Variants in CNTN5 observed in about 807,000 individuals in gnomAD.
The protein encoded by CNTN5 is contactin 5, also known as contactin-5.
Under a neutral mutation model 129.1 loss-of-function variants are expected in CNTN5, and 77 were observed. The ratio of observed to expected loss-of-function variants is 0.60; its 90% confidence interval spans 0.50 to 0.72. CNTN5 has a LOEUF of 0.72. CNTN5 is among the 30% of genes least tolerant of loss of function. The pLI is 0.00. For missense variants in CNTN5, 1,478 were observed against 1,328.8 expected, an observed-to-expected ratio of 1.11 and a Z score of -1.75; for synonymous variants, 509 against 465.6, an observed-to-expected ratio of 1.09 and a Z score of -1.20.
intron 1 of CNTN5, among the ~76,000 whole-genome samples, chr11:99,274,956 A>G (rs1295643924): frequency 1.3e-5 from 2 of 151,558 alleles, no homozygotes; most frequent in Admixed American, 1.3e-4. Context: ...ACACATCAAA[A>G]TAGTATTGAT....
intron 7 of CNTN5, among the ~76,000 whole-genome samples, chr11:99,920,493 T>A (rs188123641): frequency 1.6e-4 from 24 of 152,302 alleles, no homozygotes; most frequent in African/African-American, 5.5e-4. Flanking sequence ...ATCTTAACCA[T>A]GTCTAAATCT....
chr11:100,222,917 C>T (rs1371409423), intron 15 of CNTN5, among the ~76,000 whole-genome samples: 1 of 152,024 alleles, frequency 6.6e-6, no homozygotes, highest in African/African-American at 2.4e-5. Context: ...TATAAAAAAG[C>T]TCATTCATAC....
chr11:99,301,631 A>G (rs551539698), intron 1 of CNTN5, among the ~76,000 whole-genome samples: 65 of 151,980 alleles, frequency 4.3e-4, no homozygotes, highest in African/African-American at 1.5e-3. Context: ...ATAGACAATG[A>G]AAAAATAGCT....
At chr11:99,291,556 T>G (rs1864171280) in intron 1 of CNTN5, among the ~76,000 whole-genome samples, 1 of 151,942 alleles carries the variant, frequency 6.6e-6, no homozygotes, top group Non-Finnish European at 1.5e-5. Context: ...ACAAAAAACA[T>G]GAAAAATATG....
chr11:100,337,386 G>A (rs572345870), intron 21 of CNTN5: 11 of 785,946 alleles, frequency 1.4e-5, no homozygotes, highest in Middle Eastern at 7.3e-4. Context: ...CCTCAGCAGA[G>A]AGAGCACCTA....
chr11:99,337,716 C>G (rs535968819), intron 2 of CNTN5, among the ~76,000 whole-genome samples: 3 of 152,136 alleles, frequency 2.0e-5, no homozygotes, highest in Non-Finnish European at 2.9e-5. Flanking sequence ...TTTTGGGGGG[C>G]TTGCTCCCAA....
rs141959061 is a variant in CNTN5 at position 100,315,649 on chromosome 11, G to C, written c.2730+7181G>C. Reference sequence around the variant, plus strand: ...CCTTTCAACCAGCTGCCTCCTGAAAGAATGGCAGTACCTCACAAAAATGAC... The same window carrying C: ...CCTTTCAACCAGCTGCCTCCTGAAACAATGGCAGTACCTCACAAAAATGAC... On this transcript the variant is annotated intron_variant, in intron 21 of 24. Coordinates refer to ENST00000524871, the MANE Select transcript of CNTN5 (RefSeq NM_014361.4). Among the ~76,000 whole-genome samples, 1,497 of 152,082 alleles carry C rather than the reference G, an allele frequency of 9.8e-3. 25 individuals are homozygous for C. The highest frequency in any genetic ancestry group is 0.035 in the African/African-American group (1,433 of 41,490).
At chr11:99,971,282 C>T (rs983894175) in intron 8 of CNTN5, among the ~76,000 whole-genome samples, 4 of 152,104 alleles carry the variant, frequency 2.6e-5, no homozygotes, top group Admixed American at 1.3e-4. Context: ...TGGTGGTTCA[C>T]GCCTGTAATC....
intron 2 of CNTN5, among the ~76,000 whole-genome samples, chr11:99,435,697 C>A (rs1943572003): frequency 6.6e-6 from 1 of 152,188 alleles, no homozygotes; most frequent in East Asian, 1.9e-4. Flanking sequence ...TAAAAATATC[C>A]AGTACTTGAT....
chr11:99,136,737 C>G (rs1386776922), intron 1 of CNTN5, among the ~76,000 whole-genome samples: 1 of 151,692 alleles, frequency 6.6e-6, no homozygotes, highest in Non-Finnish European at 1.5e-5. Context: ...CTGCAATTGT[C>G]GCAGACTACA....
chr11:99,746,420 C>T lies in CNTN5; in HGVS notation c.56-73124C>T, dbSNP rs1016174927. On this transcript the variant is annotated intron_variant, in intron 3 of 24. Transcript: ENST00000524871. ...TTTCCAGACTCTCTATTGTGATCCA[C>T]TAGTCTACATGAAGGGTCCTCCACC... is the stretch of plus-strand genomic sequence containing the variant. Among the ~76,000 whole-genome samples, 12 of 152,302 alleles carry T rather than the reference C, an allele frequency of 7.9e-5. No individual in the cohort carries two copies. In the South Asian group the frequency reaches 2.1e-3, roughly 26 times the overall value.
chr11:99,436,239 C>T (rs760204495), intron 2 of CNTN5, among the ~76,000 whole-genome samples: 1 of 152,122 alleles, frequency 6.6e-6, no homozygotes, highest in South Asian at 2.1e-4. Flanking sequence ...ACGTTACAAA[C>T]GTTATTTTAA....
At chr11:99,885,743 A>G (rs1188816908) in intron 6 of CNTN5, among the ~76,000 whole-genome samples, 1 of 152,192 alleles carries the variant, frequency 6.6e-6, no homozygotes. Flanking sequence ...ATAAAGAGAT[A>G]AGACAAAAAA....
intron 4 of CNTN5, among the ~76,000 whole-genome samples, chr11:99,833,365 A>G (rs1281491092): frequency 6.6e-6 from 1 of 152,124 alleles, no homozygotes; most frequent in Admixed American, 6.6e-5. Context: ...TAACTTTATG[A>G]TGGTGTGAAA....
intron 3 of CNTN5, among the ~76,000 whole-genome samples, chr11:99,661,904 T>A (rs565001355): frequency 1.3e-5 from 2 of 152,104 alleles, no homozygotes; most frequent in East Asian, 3.9e-4. Flanking sequence ...TTTCAATTTA[T>A]GTAGAAGCAA....
Position 100,224,681 on chromosome 11 carries a change from C to T in CNTN5, c.1885-11C>T. The T allele has an allele frequency of 6.2e-7, 1 of 1,607,408 alleles. No individual in the cohort carries two copies. The highest frequency in any genetic ancestry group is 8.5e-7 in the Non-Finnish European group (1 of 1,175,212). On this transcript the variant is annotated splice_polypyrimidine_tract_variant and intron_variant, in intron 15 of 24. Coordinates refer to ENST00000524871, the MANE Select transcript of CNTN5 (RefSeq NM_014361.4). ...GCAACATTTTAAACTGGCACTTCAT[C>T]CCTCTTTCAGCAAGCATCCTCTGCA...
At chr11:100,206,514 A>G (rs1215865761) in intron 15 of CNTN5, among the ~76,000 whole-genome samples, 1 of 152,142 alleles carries the variant, frequency 6.6e-6, no homozygotes, top group Non-Finnish European at 1.5e-5. Flanking sequence ...GGGATAAACT[A>G]TATCTTGCTT....
rs116619294 is a variant in CNTN5 at position 100,070,904 on chromosome 11, T to C, written c.1299+344T>C. On this transcript the variant is annotated intron_variant, in intron 11 of 24. Coordinates refer to ENST00000524871, the MANE Select transcript of CNTN5 (RefSeq NM_014361.4). ...ATGAAACTATCAATATTATCATAGA[T>C]TTATTTCCATTTGTAGCTAACCTTT... 7.8e-3 allele frequency among the ~76,000 whole-genome samples: 1,185 copies of C among 152,210 alleles called. 14 individuals are homozygous for C. The highest frequency in any genetic ancestry group is 0.027 in the African/African-American group (1,123 of 41,542).
intron 3 of CNTN5, among the ~76,000 whole-genome samples, chr11:99,794,105 G>C (rs1319783237): frequency 6.6e-6 from 1 of 151,658 alleles, no homozygotes; most frequent in Non-Finnish European, 1.5e-5. Context: ...CCTGTGCTGG[G>C]TACATAGATA....
Sources: allele counts gnomAD v4.1 joint callset (sites outside exome capture counted in the v4.1 genomes callset), GRCh38; gene constraint gnomAD v4.1.1; transcripts MANE v1.5; gene names NCBI Gene and HGNC (gene_info 2026-07-23, HGNC 2026-07-21).